The following PCDHGA2 variants were observed in gnomAD, a reference collection of about 807,000 sequenced individuals.
PCDHGA2 encodes the protein protocadherin gamma subfamily A, 2, also known as protocadherin gamma-A2.
Under a neutral mutation model 59.2 loss-of-function variants are expected in PCDHGA2, and 40 were observed. That is an observed-to-expected ratio of 0.68 (90% CI 0.52 to 0.88). The LOEUF is 0.88. Among genes scored for constraint, PCDHGA2 ranks in the 40% least tolerant of loss-of-function variants. PCDHGA2 has a pLI of 0.00. For synonymous variants in PCDHGA2, 560 were observed against 526.0 expected, an observed-to-expected ratio of 1.06 and a Z score of -0.89; for missense variants, 1,226 against 1,204.0, an observed-to-expected ratio of 1.02 and a Z score of -0.27.
At chr5:141,440,431 A>G (rs1338519888) in intron 1 of PCDHGA2, 1 of 152,222 alleles carries the variant, frequency 6.6e-6, no homozygotes, top group Non-Finnish European at 1.5e-5. Flanking sequence ...TGGGTGACAG[A>G]GCAAGGCGCC....
chr5:141,491,871 C>T lies in PCDHGA2; in HGVS notation c.2425-2936C>T, dbSNP rs1222191027. 2.1e-6 allele frequency: 3 copies of T among 1,451,434 alleles called. No individual in the cohort carries two copies. Among genetic ancestry groups the T allele is most frequent in the Non-Finnish European group, 2.7e-6 (3 of 1,098,418 alleles). 89.9% of individuals were successfully genotyped at this position (1,451,434 alleles called of 1,614,324 possible). ...ACCGTTTGCGCGAAACCAGAGTGGC[C>T]GATTAAGGGATGGGGCTCCGAGCAC... On this transcript the variant is annotated intron_variant, in intron 1 of 3. Transcript: ENST00000394576. The surrounding 1 kb of genome is among the most constrained non-coding windows in gnomAD (Gnocchi z 6.9).
Position 141,487,007 on chromosome 5 carries a change from G to A in PCDHGA2, c.2425-7800G>A, listed in dbSNP as rs563548715. The A allele has an allele frequency of 3.1e-6, 5 of 1,614,206 alleles. No homozygotes were observed. In the South Asian group the frequency reaches 5.5e-5, roughly 18 times the overall value. ...TGCTTGGGTTTCCTATCAGCTCCTGGAGGCCCCAGATCCCAGCCTGTTTGC... is the reference window on the plus strand; with the variant it reads ...TGCTTGGGTTTCCTATCAGCTCCTGAAGGCCCCAGATCCCAGCCTGTTTGC... On this transcript the variant is annotated intron_variant, in intron 1 of 3. Transcript: ENST00000394576. This position sits in a 1 kb window ranked among gnomAD's most constrained non-coding sequence, Gnocchi z 5.0.
Position 141,383,405 on chromosome 5 carries a change from G to A in PCDHGA2, c.2424+42010G>A, listed in dbSNP as rs189408749. 100 of 1,614,016 alleles carry A rather than the reference G, an allele frequency of 6.2e-5. No individual in the cohort carries two copies. In the Middle Eastern group the frequency reaches 9.9e-4, roughly 16 times the overall value. ...GATGTGGGCACGAACTCCCTCCAGA[G>A]TTACCAGCTCAGCCCCAATCGCCAC... On this transcript the variant is annotated intron_variant, in intron 1 of 3. Coordinates refer to ENST00000394576, the MANE Select transcript of PCDHGA2 (RefSeq NM_018915.4).
At chr5:141,355,234 C>A in intron 1 of PCDHGA2, 1 of 1,612,190 alleles carries the variant, frequency 6.2e-7, no homozygotes, top group Non-Finnish European at 8.5e-7. Flanking sequence ...AGACCACACC[C>A]GGCTGCTCCA....
intron 1 of PCDHGA2, chr5:141,414,139 G>T: frequency 6.3e-7 from 1 of 1,596,506 alleles, no homozygotes; most frequent in Non-Finnish European, 8.5e-7. Flanking sequence ...CTATGAAATA[G>T]AAATACAAGC....
chr5:141,362,274 G>T lies in PCDHGA2; in HGVS notation c.2424+20879G>T. ...TCGCGGTGATTCTGGCAATCTCCCTGCGCCTGCGACTCTCTTCCAGGTCAG... is the reference window on the plus strand; with the variant it reads ...TCGCGGTGATTCTGGCAATCTCCCTTCGCCTGCGACTCTCTTCCAGGTCAG... On this transcript the variant is annotated intron_variant, in intron 1 of 3. Transcript: ENST00000394576. 4 of 1,614,018 alleles carry T rather than the reference G, an allele frequency of 2.5e-6. No homozygotes were observed. The East Asian group carries it at 8.9e-5, about 36-fold the overall frequency.
intron 1 of PCDHGA2, among the ~76,000 whole-genome samples, chr5:141,464,833 G>A (rs1015373577): frequency 6.6e-6 from 1 of 151,990 alleles, no homozygotes; most frequent in African/African-American, 2.4e-5. Context: ...CGCACTCCTG[G>A]GCTCAAGCAA....
At position 141,487,991 on chromosome 5, in the gene PCDHGA2, G is replaced by C. The variant is rs932744807; in HGVS notation, c.2425-6816G>C. ...GCTGTTTTCTCTACTCTTCCTGAAA[G>C]AGGGGATCAGATTCTGAAGTACCTT... On this transcript the variant is annotated intron_variant, in intron 1 of 3. Coordinates refer to ENST00000394576, the MANE Select transcript of PCDHGA2 (RefSeq NM_018915.4). The surrounding 1 kb of genome is among the most constrained non-coding windows in gnomAD (Gnocchi z 5.0). 2.6e-5 allele frequency among the ~76,000 whole-genome samples: 4 copies of C among 152,194 alleles called. No homozygotes were observed. The highest frequency in any genetic ancestry group is 4.4e-5 in the Non-Finnish European group (3 of 68,030).
At chr5:141,426,581 CCT>C (rs898552856) in intron 1 of PCDHGA2, 1 of 358,350 alleles carries the variant, frequency 2.8e-6, no homozygotes, top group Non-Finnish European at 5.6e-6. Flanking sequence ...TCTTCAAAAT[CCT>C]CTGTGTCATA....
chr5:141,476,596 C>T lies in PCDHGA2; in HGVS notation c.2425-18211C>T. 1 of 1,614,224 alleles carries T rather than the reference C, an allele frequency of 6.2e-7. No homozygotes were observed. Among genetic ancestry groups the T allele is most frequent in the Non-Finnish European group, 8.5e-7 (1 of 1,180,038 alleles). On this transcript the variant is annotated intron_variant, in intron 1 of 3. Coordinates refer to ENST00000394576, the MANE Select transcript of PCDHGA2 (RefSeq NM_018915.4). The surrounding 1 kb of genome is among the most constrained non-coding windows in gnomAD (Gnocchi z 7.6). The stretch of plus-strand genomic sequence containing the variant: ...CGCGCTTTCCGCTCGAGAGCGCGCA[C>T]GATCCCGATGTGGGAAGCAACTCTT...
intron 1 of PCDHGA2, chr5:141,371,317 A>G: frequency 1.9e-6 from 3 of 1,613,996 alleles, no homozygotes; most frequent in East Asian, 2.2e-5. Flanking sequence ...GGAGAACTGG[A>G]CTTTGAAGAG....
chr5:141,390,528 G>T (rs1438036547), intron 1 of PCDHGA2: 1 of 537,820 alleles, frequency 1.9e-6, no homozygotes, highest in Non-Finnish European at 3.3e-6. Context: ...TGAGGGTGTG[G>T]TTTTAACCAC....
At position 141,431,468 on chromosome 5, in the gene PCDHGA2, G is replaced by A. The variant is rs756718016; in HGVS notation, c.2425-63339G>A. ...CCGCGTGATGGTTCTGGATGCGAAC[G>A]ACAACGCACCAGCGTTTGCTCAGCC... On this transcript the variant is annotated intron_variant, in intron 1 of 3. Transcript: ENST00000394576. This position sits in a 1 kb window ranked among gnomAD's most constrained non-coding sequence, Gnocchi z 4.8. The A allele has an allele frequency of 3.7e-6, 6 of 1,613,804 alleles. No homozygotes were observed. In the Admixed American group the frequency reaches 8.3e-5, roughly 22 times the overall value.
At chr5:141,446,365 G>T (rs2098499873) in intron 1 of PCDHGA2, among the ~76,000 whole-genome samples, 1 of 152,194 alleles carries the variant, frequency 6.6e-6, no homozygotes, top group Non-Finnish European at 1.5e-5. Flanking sequence ...GATGAGAATG[G>T]AAGACTAAAG....
chr5:141,348,038 G>C (rs1758054161), intron 1 of PCDHGA2, among the ~76,000 whole-genome samples: 2 of 152,140 alleles, frequency 1.3e-5, no homozygotes, highest in Admixed American at 6.5e-5. Context: ...TCCAACAATG[G>C]AATAGAAGTC....
Position 141,485,795 on chromosome 5 carries a change from T to G in PCDHGA2, c.2425-9012T>G, listed in dbSNP as rs1225630684. On this transcript the variant is annotated intron_variant, in intron 1 of 3. Coordinates refer to ENST00000394576, the MANE Select transcript of PCDHGA2 (RefSeq NM_018915.4). The surrounding 1 kb of genome is among the most constrained non-coding windows in gnomAD (Gnocchi z 5.7). ...TTTGGATCGAGAGAAGCAATCGGAC[T>G]ACCGCCTGGTGCTGACTGCTGTCGA... 16 of 1,614,092 alleles carry G rather than the reference T, an allele frequency of 9.9e-6. No individual in the cohort carries two copies. The highest frequency in any genetic ancestry group is 1.1e-5 in the Non-Finnish European group (13 of 1,180,046).
At position 141,502,866 on chromosome 5, in the gene PCDHGA2, C is replaced by CTTTTTTTTTTT. The variant is rs549047197; in HGVS notation, c.2484-2523_2484-2513dup. Among the ~76,000 whole-genome samples the CTTTTTTTTTTT allele has an allele frequency of 4.4e-4, 56 of 128,014 alleles. 1 individual carries two copies. The highest frequency in any genetic ancestry group is 5.1e-4 in the Non-Finnish European group (32 of 62,412). The allele number at this position is 128,014 out of a possible 152,430, so 84.0% of individuals were successfully genotyped here. ...GAGCTGCCTAACCCTGACTCTCTGTCTTTTTTTTTTTTTTGACAGGGAGTC... is the reference window on the plus strand; with the variant it reads ...GAGCTGCCTAACCCTGACTCTCTGTCTTTTTTTTTTTTTTTTTTTTTTTTTGACAGGGAGTC... On this transcript the variant is annotated intron_variant, in intron 2 of 3. Coordinates refer to ENST00000394576, the MANE Select transcript of PCDHGA2 (RefSeq NM_018915.4).
At chr5:141,352,188 G>C (rs752131601) in intron 1 of PCDHGA2, 3 of 1,613,754 alleles carry the variant, frequency 1.9e-6, no homozygotes, top group Middle Eastern at 1.6e-4. Context: ...GTCGCTGTGC[G>C]TGATGGAGGA....
intron 1 of PCDHGA2, chr5:141,345,955 G>C (rs766271873): frequency 1.2e-6 from 2 of 1,613,622 alleles, no homozygotes; most frequent in African/African-American, 2.7e-5. Context: ...CTCAAGCAGA[G>C]CCTCGTGGTG....
Sources: gnomAD v4.1 joint callset for allele counts (sites outside exome capture counted in the v4.1 genomes callset) on GRCh38, gnomAD v4.1.1 for gene constraint, Gnocchi (gnomAD v3.1) non-coding constraint, MANE v1.5 for transcripts, NCBI Gene and HGNC (gene_info 2026-07-23, HGNC 2026-07-21) for gene names.